FRMD3: variants seen among roughly 807,000 people sequenced by gnomAD.
FRMD3 encodes FERM domain containing 3.
In FRMD3, 33 loss-of-function variants were observed where a neutral mutation model predicts 70.2. The ratio of observed to expected loss-of-function variants is 0.47; its 90% confidence interval spans 0.36 to 0.63. FRMD3 has a LOEUF of 0.63. Ranked by LOEUF, FRMD3 falls within the 20% of genes least tolerant of loss-of-function variation. FRMD3 has a pLI of 0.00. For missense variants in FRMD3, 632 were observed against 711.4 expected, an observed-to-expected ratio of 0.89 and a Z score of 1.27; for synonymous variants, 279 against 255.9, an observed-to-expected ratio of 1.09 and a Z score of -0.86.
the FRMD3 span, among the ~76,000 whole-genome samples, chr9:83,558,513 C>G: frequency 6.6e-6 from 1 of 152,186 alleles, no homozygotes; most frequent in African/African-American, 2.4e-5. Context: ...CTTTATTGCT[C>G]TAATGGAGAT....
chr9:83,414,085 C>T (rs1322152586), intron 1 of FRMD3, among the ~76,000 whole-genome samples: 4 of 151,982 alleles, frequency 2.6e-5, no homozygotes, highest in African/African-American at 9.7e-5. Flanking sequence ...CACACGAATT[C>T]GAGAGGCAAA....
At chr9:83,460,439 A>C (rs1446189290) in intron 1 of FRMD3, among the ~76,000 whole-genome samples, 1 of 152,154 alleles carries the variant, frequency 6.6e-6, no homozygotes, top group Non-Finnish European at 1.5e-5. Flanking sequence ...TATTCAACAC[A>C]TACATTCACT....
At chr9:83,357,256 TATATATATATATATATA>T (rs1824411794) in intron 3 of FRMD3, among the ~76,000 whole-genome samples, 1 of 43,374 alleles carries the variant, frequency 2.3e-5, no homozygotes, top group African/African-American at 1.6e-4. Flanking sequence ...CATATATATA[TATATATATATATATATA>T]TATATATATA....
At chr9:83,420,888 C>A (rs537758280) in intron 1 of FRMD3, among the ~76,000 whole-genome samples, 24 of 152,084 alleles carry the variant, frequency 1.6e-4, no homozygotes, top group Non-Finnish European at 2.2e-4. Context: ...ATACTGGTCC[C>A]ATGCTTCCTG....
chr9:83,356,653 A>G (rs1824355782), intron 3 of FRMD3, among the ~76,000 whole-genome samples: 1 of 151,942 alleles, frequency 6.6e-6, no homozygotes, highest in African/African-American at 2.4e-5. Context: ...CAGAAGCGTA[A>G]TTTCAGGACT....
At chr9:83,496,865 G>A (rs1828955152) in intron 1 of FRMD3, among the ~76,000 whole-genome samples, 1 of 152,174 alleles carries the variant, frequency 6.6e-6, no homozygotes, top group South Asian at 2.1e-4. Flanking sequence ...TGTAATTCTA[G>A]CACTTTGGGA....
chr9:83,254,463 C>T (rs1262156146), intron 13 of FRMD3, among the ~76,000 whole-genome samples: 11 of 150,980 alleles, frequency 7.3e-5, no homozygotes. Context: ...GGTAACATCT[C>T]AACTAAAAGA....
At chr9:83,381,661 A>G (rs1825359805) in intron 2 of FRMD3, among the ~76,000 whole-genome samples, 1 of 152,168 alleles carries the variant, frequency 6.6e-6, no homozygotes, top group Admixed American at 6.5e-5. Context: ...TGGGCAAAAG[A>G]GAGATAACAG....
intron 1 of FRMD3, among the ~76,000 whole-genome samples, chr9:83,410,778 G>T (rs190445467): frequency 2.0e-5 from 3 of 152,318 alleles, no homozygotes; most frequent in Non-Finnish European, 2.9e-5. Flanking sequence ...CAGTGTATAA[G>T]TGTTCCCTTT....
At chr9:83,260,593 T>G (rs1158355704) in intron 13 of FRMD3, among the ~76,000 whole-genome samples, 1 of 152,152 alleles carries the variant, frequency 6.6e-6, no homozygotes, top group Non-Finnish European at 1.5e-5. Flanking sequence ...TCAAATAAAT[T>G]TTATGATAAC....
intron 6 of FRMD3, among the ~76,000 whole-genome samples, chr9:83,314,467 C>A (rs1209346713): frequency 6.6e-6 from 1 of 152,126 alleles, no homozygotes; most frequent in African/African-American, 2.4e-5. Flanking sequence ...ATTCTAGCAA[C>A]CAAGCAGAGA....
chr9:83,259,091 G>A (rs1267436856), intron 13 of FRMD3, among the ~76,000 whole-genome samples: 6 of 152,196 alleles, frequency 3.9e-5, no homozygotes, highest in Non-Finnish European at 1.5e-5. Context: ...GGAGGGGCTA[G>A]TGTCATTTGA....
At chr9:83,404,739 G>T (rs1476005272) in intron 1 of FRMD3, among the ~76,000 whole-genome samples, 2 of 152,202 alleles carry the variant, frequency 1.3e-5, no homozygotes, top group East Asian at 3.8e-4. Context: ...GTAAAGATTT[G>T]AAGGCTAAAA....
At chr9:83,450,008 A>G (rs779089060) in intron 1 of FRMD3, among the ~76,000 whole-genome samples, 5 of 152,180 alleles carry the variant, frequency 3.3e-5, no homozygotes, top group Non-Finnish European at 7.4e-5. Flanking sequence ...TAATCTGTTT[A>G]TTCTTCACAT....
At chr9:83,419,447 AGAGTGT>A in intron 1 of FRMD3, among the ~76,000 whole-genome samples, 1 of 142,524 alleles carries the variant, frequency 7.0e-6, no homozygotes, top group African/African-American at 2.7e-5. Flanking sequence ...CTGCTGTGAG[AGAGTGT>A]GTGTGTGTGT....
intron 6 of FRMD3, among the ~76,000 whole-genome samples, chr9:83,328,969 A>G (rs1232871822): frequency 1.3e-5 from 2 of 152,192 alleles, no homozygotes; most frequent in Non-Finnish European, 2.9e-5. Context: ...GCTGACTCCT[A>G]CTTTCAATAA....
intron 1 of FRMD3, among the ~76,000 whole-genome samples, chr9:83,526,126 C>T (rs368494537): frequency 3.3e-4 from 51 of 152,342 alleles, no homozygotes; most frequent in African/African-American, 1.2e-3. Context: ...TCTGTTCCCC[C>T]AACCTGCTTC....
chr9:83,436,126 C>A (rs1827126617), intron 1 of FRMD3, among the ~76,000 whole-genome samples: 1 of 152,144 alleles, frequency 6.6e-6, no homozygotes, highest in Admixed American at 6.5e-5. Flanking sequence ...CTCTTAACTC[C>A]AGCTCACCCT....
rs1832124549 is a variant in FRMD3 at position 83,246,737 on chromosome 9, A to C, written c.*1181T>G. The C allele has an allele frequency of 6.1e-6, 6 of 985,194 alleles. No individual in the cohort carries two copies. The highest frequency in any genetic ancestry group is 7.2e-6 in the Non-Finnish European group (6 of 829,876). 61.0% of individuals were successfully genotyped at this position (985,194 alleles called of 1,614,324 possible). On this transcript the variant is annotated 3_prime_UTR_variant, in exon 14 of 14. Coordinates refer to ENST00000304195, the MANE Select transcript of FRMD3 (RefSeq NM_174938.6). The stretch of plus-strand genomic sequence containing the variant: ...AAGTTTCTTCTACAGAATCACAACA[A>C]ATGGCATGAGGGATCAAAATATTTA...
Sources: gnomAD v4.1 joint callset for allele counts (sites outside exome capture counted in the v4.1 genomes callset) on GRCh38, gnomAD v4.1.1 for gene constraint, MANE v1.5 for transcripts, NCBI Gene and HGNC (gene_info 2026-07-23, HGNC 2026-07-21) for gene names.